PLXDC2: variants seen among roughly 807,000 people sequenced by gnomAD.
PLXDC2 encodes the protein plexin domain-containing protein 2.
In PLXDC2, 40 loss-of-function variants were observed where a neutral mutation model predicts 68.9. The ratio of observed to expected loss-of-function variants is 0.58; its 90% CI spans 0.45 to 0.76. The LOEUF is 0.76. PLXDC2 is among the 30% of genes least tolerant of loss of function. The pLI, the probability that PLXDC2 is intolerant of heterozygous loss-of-function variation, is 0.00. For missense variants in PLXDC2, 644 were observed against 661.9 expected, an observed-to-expected ratio of 0.97 and a Z score of 0.30; for synonymous variants, 243 against 234.2, an observed-to-expected ratio of 1.04 and a Z score of -0.34.
chr10:20,234,628 G>T (rs1835408585), intron 12 of PLXDC2, among the ~76,000 whole-genome samples: 1 of 149,194 alleles, frequency 6.7e-6, no homozygotes, highest in South Asian at 2.1e-4. Context: ...GCTCTACCGA[G>T]CTGTTGTTGT....
intron 4 of PLXDC2, among the ~76,000 whole-genome samples, chr10:20,082,939 A>G (rs1836596288): frequency 7.1e-6 from 1 of 141,808 alleles, no homozygotes. Context: ...TTACATATAT[A>G]TGTACATATA....
rs901985338 is a variant in PLXDC2 at position 19,817,046 on chromosome 10, C to G, written c.-34C>G. 3 of 1,473,242 alleles carry G rather than the reference C, an allele frequency of 2.0e-6. No individual in the cohort carries two copies. The highest frequency in any genetic ancestry group is 1.8e-6 in the Non-Finnish European group (2 of 1,097,432). The allele number at this position is 1,473,242 out of a possible 1,614,324, so 91.3% of individuals were successfully genotyped here. ...GGAGCCCCCGAGCACCGGCGAAGGA[C>G]TGGCGGGTGGGGTAGGGAGGTGGCG... On this transcript the variant is annotated 5_prime_UTR_variant, in exon 1 of 14. Transcript: ENST00000377252.
intron 13 of PLXDC2, among the ~76,000 whole-genome samples, chr10:20,273,163 T>A (rs1220768166): frequency 6.6e-6 from 1 of 152,266 alleles, no homozygotes; most frequent in Non-Finnish European, 1.5e-5. Flanking sequence ...CTCTGAACCT[T>A]GTGGAATTCT....
chr10:19,831,144 T>G (rs1401730773), intron 1 of PLXDC2, among the ~76,000 whole-genome samples: 1 of 152,216 alleles, frequency 6.6e-6, no homozygotes, highest in Admixed American at 6.5e-5. Flanking sequence ...TTAAAATGAT[T>G]CAAATCTCAG....
chr10:19,861,606 C>T (rs904901678), intron 1 of PLXDC2, among the ~76,000 whole-genome samples: 2 of 152,130 alleles, frequency 1.3e-5, no homozygotes, highest in African/African-American at 4.8e-5. Flanking sequence ...GTACTATCCT[C>T]TCTCATATAT....
intron 4 of PLXDC2, among the ~76,000 whole-genome samples, chr10:20,116,671 C>T (rs1305735160): frequency 6.6e-6 from 1 of 152,142 alleles, no homozygotes. Context: ...GTACCTGTTT[C>T]TCTCCAAAGT....
At position 19,939,142 on chromosome 10, in the gene PLXDC2, T is replaced by C. The variant is rs186380505; in HGVS notation, c.113-62633T>C. Among the ~76,000 whole-genome samples, 7 of 152,306 alleles carry C rather than the reference T, an allele frequency of 4.6e-5. No homozygotes were observed. The East Asian group carries it at 1.3e-3, about 29-fold the overall frequency. The stretch of plus-strand genomic sequence containing the variant: ...AAATGAAATAAAGATAAATAAGGGA[T>C]AAACAGGTGCAAATTTGTTGAATAA... On this transcript the variant is annotated intron_variant, in intron 1 of 13. Transcript: ENST00000377252.
At chr10:20,075,557 A>C (rs1253182987) in intron 4 of PLXDC2, among the ~76,000 whole-genome samples, 1 of 152,158 alleles carries the variant, frequency 6.6e-6, no homozygotes, top group African/African-American at 2.4e-5. Flanking sequence ...CTGTCCATAC[A>C]TGCTTTATTT....
intron 1 of PLXDC2, among the ~76,000 whole-genome samples, chr10:19,991,314 T>A: frequency 6.7e-6 from 1 of 149,408 alleles, no homozygotes; most frequent in Non-Finnish European, 1.5e-5. Context: ...AAATTTATAG[T>A]GATGTTGAAA....
chr10:19,950,535 C>T (rs1833974585), intron 1 of PLXDC2, among the ~76,000 whole-genome samples: 1 of 152,170 alleles, frequency 6.6e-6, no homozygotes, highest in Admixed American at 6.5e-5. Flanking sequence ...AGAAACATTA[C>T]ATGCTCATAG....
At chr10:20,118,250 C>T (rs1299498714) in intron 4 of PLXDC2, among the ~76,000 whole-genome samples, 4 of 152,044 alleles carry the variant, frequency 2.6e-5, no homozygotes, top group East Asian at 3.9e-4. Flanking sequence ...GTGTTCAAAT[C>T]GTAGGGCATA....
chr10:20,220,591 C>T (rs7074695), intron 12 of PLXDC2, among the ~76,000 whole-genome samples: 95,870 of 151,766 alleles, frequency 0.63, 30,773 homozygotes, highest in Middle Eastern at 0.79. Context: ...TTCTTGTGAT[C>T]GAATAAGTGT....
intron 1 of PLXDC2, among the ~76,000 whole-genome samples, chr10:19,920,840 G>A (rs1833449707): frequency 6.6e-6 from 1 of 152,184 alleles, no homozygotes; most frequent in African/African-American, 2.4e-5. Flanking sequence ...TTATAGGCAT[G>A]AGCTACCATG....
chr10:20,204,957 CAT>C (rs1834971436), intron 9 of PLXDC2, among the ~76,000 whole-genome samples: 1 of 152,124 alleles, frequency 6.6e-6, no homozygotes, highest in Non-Finnish European at 1.5e-5. Flanking sequence ...TGGAATGAAA[CAT>C]GTTCAATTGC....
chr10:20,008,951 C>T (rs1474542861), intron 2 of PLXDC2, among the ~76,000 whole-genome samples: 2 of 152,190 alleles, frequency 1.3e-5, no homozygotes, highest in Non-Finnish European at 1.5e-5. Context: ...TCCATTGAAT[C>T]TCTTTTTCTT....
chr10:20,225,595 T>C (rs1317371654), intron 12 of PLXDC2, among the ~76,000 whole-genome samples: 1 of 152,204 alleles, frequency 6.6e-6, no homozygotes, highest in Admixed American at 6.5e-5. Flanking sequence ...GTTCTTCTAC[T>C]TTACAATGTT....
At chr10:20,203,050 T>C (rs150628595) in intron 9 of PLXDC2, among the ~76,000 whole-genome samples, 55 of 152,280 alleles carry the variant, frequency 3.6e-4, no homozygotes, top group Middle Eastern at 3.4e-3. Context: ...TATTTCCAGA[T>C]AAGACTCAAT....
At chr10:20,206,875 G>C (rs867410682) in intron 9 of PLXDC2, among the ~76,000 whole-genome samples, 7 of 113,698 alleles carry the variant, frequency 6.2e-5, no homozygotes, top group Admixed American at 8.6e-5. Context: ...CACACACACA[G>C]ACACACACAC....
At position 20,242,464 on chromosome 10, in the gene PLXDC2, C is replaced by T. The variant is rs150897068; in HGVS notation, c.1313-2881C>T. ...ATGGGGTAATTACTGTTATTGACTG[C>T]GTTTTGGAGATAAGGTTAACTGAAG... On this transcript the variant is annotated intron_variant, in intron 12 of 13. Transcript: ENST00000377252. Among the ~76,000 whole-genome samples the T allele has an allele frequency of 9.2e-3, 1,403 of 152,234 alleles. 8 individuals are homozygous for T. Among genetic ancestry groups the T allele is most frequent in the Middle Eastern group, 0.017 (5 of 294 alleles).
Sources: gnomAD v4.1 joint callset for allele counts (sites outside exome capture counted in the v4.1 genomes callset) on GRCh38, gnomAD v4.1.1 for gene constraint, MANE v1.5 for transcripts, NCBI Gene and HGNC (gene_info 2026-07-23, HGNC 2026-07-21) for gene names.